Variants in LRP1B observed in about 807,000 individuals in gnomAD.
The protein encoded by LRP1B is low-density lipoprotein receptor-related protein 1B.
LRP1B carries 217 observed loss-of-function variants against 556.6 expected under a neutral mutation model. The ratio of observed to expected loss-of-function variants is 0.39; its 90% confidence interval spans 0.35 to 0.44. The LOEUF is 0.44. Ranked by LOEUF, LRP1B falls within the 20% of genes least tolerant of loss-of-function variation. LRP1B has a pLI of 1.00. For synonymous variants in LRP1B, 2,047 were observed against 1,865.8 expected (o/e 1.10, Z -2.50); for missense variants, 5,053 against 5,620.8 (o/e 0.90, Z 3.23).
intron 1 of LRP1B, among the ~76,000 whole-genome samples, chr2:142,109,675 C>T (rs914812258): frequency 2.6e-5 from 4 of 151,848 alleles, no homozygotes; most frequent in Non-Finnish European, 4.4e-5. Context: ...AAATTATGCC[C>T]CTTTAGTTAA....
intron 3 of LRP1B, among the ~76,000 whole-genome samples, chr2:141,277,638 T>C (rs1318899812): frequency 6.6e-6 from 1 of 151,634 alleles, no homozygotes; most frequent in Non-Finnish European, 1.5e-5. Flanking sequence ...TGGGAGTATA[T>C]ATTTTTTGTT....
chr2:140,482,878 C>T (rs1688298514), intron 59 of LRP1B, among the ~76,000 whole-genome samples: 1 of 152,140 alleles, frequency 6.6e-6, no homozygotes, highest in Admixed American at 6.6e-5. Flanking sequence ...ATAATCAAAA[C>T]ATATGCAAGT....
intron 2 of LRP1B, among the ~76,000 whole-genome samples, chr2:141,527,753 T>C (rs1313266613): frequency 2.0e-5 from 3 of 152,106 alleles, no homozygotes; most frequent in Admixed American, 2.0e-4. Flanking sequence ...TGAAATGGAT[T>C]CTTACAAGGA....
At chr2:141,835,189 T>C (rs558666536) in intron 1 of LRP1B, among the ~76,000 whole-genome samples, 1 of 152,158 alleles carries the variant, frequency 6.6e-6, no homozygotes, top group Admixed American at 6.6e-5. Context: ...TAACTGAACT[T>C]GTGGGACACA....
intron 6 of LRP1B, among the ~76,000 whole-genome samples, chr2:141,200,958 T>G (rs750896430): frequency 8.5e-5 from 13 of 152,222 alleles, no homozygotes; most frequent in Non-Finnish European, 1.6e-4. Context: ...AAGCAGCATC[T>G]GAAGTCATAG....
chr2:140,742,185 C>T (rs558418651), intron 35 of LRP1B, among the ~76,000 whole-genome samples: 2 of 152,136 alleles, frequency 1.3e-5, no homozygotes, highest in Admixed American at 6.6e-5. Flanking sequence ...AAGGTCTTCT[C>T]GTATTTGTCA....
At chr2:140,433,121 CAG>C (rs1313667379) in intron 66 of LRP1B, among the ~76,000 whole-genome samples, 1 of 152,070 alleles carries the variant, frequency 6.6e-6, no homozygotes, top group Non-Finnish European at 1.5e-5. Context: ...TTTTTTGAGG[CAG>C]AGTCTTGCTC....
chr2:141,665,841 T>C (rs1193472843), intron 2 of LRP1B, among the ~76,000 whole-genome samples: 2 of 151,902 alleles, frequency 1.3e-5, no homozygotes, highest in Non-Finnish European at 2.9e-5. Context: ...AACCAAACAC[T>C]TGATTTTCTG....
chr2:141,838,508 G>T lies in LRP1B; in HGVS notation c.83-28107C>A, dbSNP rs542405626. Among the ~76,000 whole-genome samples the T allele has an allele frequency of 2.6e-5, 4 of 152,248 alleles. No individual in the cohort carries two copies. In the East Asian group the frequency reaches 5.8e-4, roughly 22 times the overall value. ...TTTGCATTTGGGAGGACAAAATTAG[G>T]TAATAAGTGATGAGCACATTATTAA... is the stretch of plus-strand genomic sequence containing the variant. On this transcript the variant is annotated intron_variant, in intron 1 of 90. Transcript: ENST00000389484.
intron 2 of LRP1B, among the ~76,000 whole-genome samples, chr2:141,794,422 G>A (rs897269682): frequency 6.6e-6 from 1 of 151,918 alleles, no homozygotes; most frequent in Non-Finnish European, 1.5e-5. Context: ...CTCTTTTGCT[G>A]TCAGACCTGA....
chr2:140,510,035 T>G lies in LRP1B; in HGVS notation c.8291A>C (p.Asp2764Ala), dbSNP rs1689587170. 1 of 1,613,798 alleles carries G rather than the reference T, an allele frequency of 6.2e-7. No homozygotes were observed. The highest frequency in any genetic ancestry group is 8.5e-7 in the Non-Finnish European group (1 of 1,179,992). ...ACGAGAGCCCTGGCAGCTGAACATG[T>G]CAGCAGCACAGGTTATGGCACCTGA... ...SICGAITCAA[D>A]MFSCQGSRAC... Residue 2764 changes from aspartate (D) to alanine (A), a missense_variant, in exon 52 of 91, where the codon GAC (aspartate) becomes GCC (alanine). Asp to Ala is a moderately radical substitution (Grantham distance 126). Around this residue, in one of 5 missense-constraint regions of LRP1B, gnomAD observed 3,619 missense variants for 3,931.9 expected, o/e 0.92. Coordinates refer to ENST00000389484, the MANE Select transcript of LRP1B (RefSeq NM_018557.3).
Position 141,181,738 on chromosome 2 carries a change from C to T in LRP1B, c.1013+6683G>A, listed in dbSNP as rs62174268. On this transcript the variant is annotated intron_variant, in intron 7 of 90. Transcript: ENST00000389484. ...TTCCCTGTTGTATTCCCAGGCTAAG[C>T]ACATTGTAATAGAGATATAATTTAT... Among the ~76,000 whole-genome samples the T allele has an allele frequency of 7.1e-3, 1,081 of 151,956 alleles. 7 individuals are homozygous for T. Among genetic ancestry groups the T allele is most frequent in the South Asian group, 0.016 (75 of 4,826 alleles).
intron 3 of LRP1B, among the ~76,000 whole-genome samples, chr2:141,365,655 C>CTTTTTTTTTTTTTTTGTCTCT (rs1334896367): frequency 8.3e-6 from 1 of 121,150 alleles, no homozygotes; most frequent in Non-Finnish European, 1.7e-5. Context: ...GTTTTTGTTG[C>CTTTTTTTTTTTTTTTGTCTCT]TTTTTTTTTT....
At chr2:141,614,381 T>C (rs1045352524) in intron 2 of LRP1B, among the ~76,000 whole-genome samples, 1 of 152,186 alleles carries the variant, frequency 6.6e-6, no homozygotes, top group African/African-American at 2.4e-5. Flanking sequence ...ATGCCATACA[T>C]TTTATTAATT....
At chr2:141,428,989 A>G (rs1434177534) in intron 3 of LRP1B, among the ~76,000 whole-genome samples, 3 of 152,162 alleles carry the variant, frequency 2.0e-5, no homozygotes, top group South Asian at 2.1e-4. Flanking sequence ...GCTGATCAGG[A>G]ATCTCTCGGC....
chr2:140,326,644 GGCAGAGGTCAGTGA>G (rs1680495600), intron 79 of LRP1B, among the ~76,000 whole-genome samples: 1 of 151,924 alleles, frequency 6.6e-6, no homozygotes, highest in Non-Finnish European at 1.5e-5. Flanking sequence ...GAACCTGGGA[GGCAGAGGTCAGTGA>G]GCTGAGATCA....
rs1013308233 is a variant in LRP1B at position 140,369,494 on chromosome 2, A to G, written c.11008+1216T>C. On this transcript the variant is annotated intron_variant, in intron 71 of 90. Transcript: ENST00000389484. ...TTTCCACAATGTTTGCTGTCTCTAG[A>G]GTGACCAATTACAGAAAGTGAGTGT... 1.7e-4 allele frequency among the ~76,000 whole-genome samples: 26 copies of G among 152,062 alleles called. 1 individual carries two copies. Among genetic ancestry groups the G allele is most frequent in the African/African-American group, 6.0e-4 (25 of 41,546 alleles).
Position 141,774,818 on chromosome 2 carries a change from G to T in LRP1B, c.205+35461C>A, listed in dbSNP as rs143220690. Among the ~76,000 whole-genome samples the T allele has an allele frequency of 3.1e-3, 470 of 152,280 alleles. 1 individual carries two copies. Among genetic ancestry groups the T allele is most frequent in the African/African-American group, 0.011 (448 of 41,544 alleles). ...AAAACCAGAAGAATCTTCTCAGAGA[G>T]ACCCAGGGGAGTGATCTGACCCTCA... On this transcript the variant is annotated intron_variant, in intron 2 of 90. Transcript: ENST00000389484.
At chr2:140,316,167 G>A (rs939988318) in intron 82 of LRP1B, among the ~76,000 whole-genome samples, 1 of 152,150 alleles carries the variant, frequency 6.6e-6, no homozygotes, top group African/African-American at 2.4e-5. Flanking sequence ...GAGCAACATA[G>A]AGTGTTCAAT....
Sources: gnomAD v4.1 joint callset for allele counts (sites outside exome capture counted in the v4.1 genomes callset) on GRCh38, gnomAD v4.1.1 for gene constraint, gnomAD v4.1.1 regional missense constraint, MANE v1.5 for transcripts, NCBI Gene and HGNC (gene_info 2026-07-23, HGNC 2026-07-21) for gene names.